The following PDE3A variants were observed in gnomAD, a reference collection of about 807,000 sequenced individuals.
PDE3A encodes cGMP-inhibited 3',5'-cyclic phosphodiesterase 3A.
PDE3A carries 43 observed loss-of-function variants against 98.3 expected under a neutral mutation model. The ratio of observed to expected loss-of-function variants is 0.44; its 90% CI spans 0.34 to 0.56. PDE3A has a LOEUF of 0.56. Ranked by LOEUF, PDE3A falls within the 20% of genes least tolerant of loss-of-function variation. The pLI, the probability that PDE3A is intolerant of heterozygous loss-of-function variation, is 0.01. For missense variants in PDE3A, 1,427 were observed against 1,440.7 expected, an observed-to-expected ratio of 0.99 and a Z score of 0.15; for synonymous variants, 663 against 567.9, an observed-to-expected ratio of 1.17 and a Z score of -2.38.
intron 15 of PDE3A, among the ~76,000 whole-genome samples, chr12:20,672,150 G>A (rs575319966): frequency 0.011 from 1,682 of 149,162 alleles, 35 homozygotes; most frequent in African/African-American, 0.04. Flanking sequence ...GGGATGTGAA[G>A]GACCTCTTCA....
At chr12:20,629,120 C>T (rs1030160982) in intron 5 of PDE3A, among the ~76,000 whole-genome samples, 3 of 152,170 alleles carry the variant, frequency 2.0e-5, no homozygotes, top group African/African-American at 7.2e-5. Flanking sequence ...TGCAGGCTGC[C>T]TTCTCTGTGT....
intron 1 of PDE3A, among the ~76,000 whole-genome samples, chr12:20,485,084 A>G (rs1176489656): frequency 6.6e-6 from 1 of 152,210 alleles, no homozygotes; most frequent in Non-Finnish European, 1.5e-5. Flanking sequence ...CTGTTGTCAC[A>G]AAGTACCAAA....
chr12:20,510,352 A>G (rs1946198101), intron 1 of PDE3A, among the ~76,000 whole-genome samples: 2 of 152,150 alleles, frequency 1.3e-5, no homozygotes. Context: ...ATAATCCACT[A>G]GAATTAGCAA....
At chr12:20,542,014 A>G (rs1329660796) in intron 1 of PDE3A, among the ~76,000 whole-genome samples, 2 of 152,090 alleles carry the variant, frequency 1.3e-5, no homozygotes, top group East Asian at 3.9e-4. Context: ...TAAGAAAGCC[A>G]AGGGTCGCGT....
chr12:20,444,762 A>T (rs1944927095), intron 1 of PDE3A, among the ~76,000 whole-genome samples: 1 of 152,220 alleles, frequency 6.6e-6, no homozygotes, highest in South Asian at 2.1e-4. Flanking sequence ...TGCCTGGTGC[A>T]CTAAAACTAA....
At position 20,653,421 on chromosome 12, in the gene PDE3A, G is replaced by A. The variant is rs376522246; in HGVS notation, c.2926-526G>A. ...TCACTCTGTCACCCTGGAATGCAGTGGCACGATCTCAGCTCACCGCAACCT... is the reference window on the plus strand; with the variant it reads ...TCACTCTGTCACCCTGGAATGCAGTAGCACGATCTCAGCTCACCGCAACCT... On this transcript the variant is annotated intron_variant, in intron 14 of 15. Coordinates refer to ENST00000359062, the MANE Select transcript of PDE3A (RefSeq NM_000921.5). Among the ~76,000 whole-genome samples the A allele has an allele frequency of 1.7e-4, 26 of 151,644 alleles. No individual in the cohort carries two copies. In the East Asian group the frequency reaches 4.1e-3, roughly 24 times the overall value.
intron 1 of PDE3A, among the ~76,000 whole-genome samples, chr12:20,507,405 T>C (rs376243341): frequency 2.2e-4 from 33 of 152,040 alleles, no homozygotes; most frequent in African/African-American, 7.5e-4. Flanking sequence ...GTACATGACA[T>C]TGTGTATGGC....
chr12:20,385,990 T>G (rs1262853478), intron 1 of PDE3A, among the ~76,000 whole-genome samples: 1 of 106,162 alleles, frequency 9.4e-6, no homozygotes, highest in Non-Finnish European at 1.7e-5. Context: ...ATATAATATA[T>G]ATAAAATATA....
intron 5 of PDE3A, among the ~76,000 whole-genome samples, chr12:20,629,029 C>T (rs1166007538): frequency 6.6e-6 from 1 of 152,174 alleles, no homozygotes; most frequent in Non-Finnish European, 1.5e-5. Context: ...CCCTACATTA[C>T]ATTGTTCAGC....
At chr12:20,463,976 T>C (rs1945297826) in intron 1 of PDE3A, among the ~76,000 whole-genome samples, 1 of 152,196 alleles carries the variant, frequency 6.6e-6, no homozygotes, top group Non-Finnish European at 1.5e-5. Flanking sequence ...AGATGGATTT[T>C]CCACTTAATT....
In PDE3A at chr12:20,685,203, G is replaced by A. The variant is rs191671537; in HGVS notation, c.*4932G>A. Among the ~76,000 whole-genome samples, 929 of 151,918 alleles carry A rather than the reference G, an allele frequency of 6.1e-3. 9 individuals are homozygous for A. Among genetic ancestry groups the A allele is most frequent in the African/African-American group, 0.02 (830 of 41,468 alleles). ...CAAGGCTGGTGGATCACCTGAGGTCGGGAGTTCGACACCAGCCTGACCAAC... is the reference window on the plus strand; with the variant it reads ...CAAGGCTGGTGGATCACCTGAGGTCAGGAGTTCGACACCAGCCTGACCAAC... On this transcript the variant is annotated 3_prime_UTR_variant, in exon 16 of 16. Transcript: ENST00000359062.
chr12:20,573,031 G>A (rs774299091), intron 2 of PDE3A, among the ~76,000 whole-genome samples: 1 of 152,030 alleles, frequency 6.6e-6, no homozygotes, highest in Non-Finnish European at 1.5e-5. Flanking sequence ...ATTTGAGAGT[G>A]AAGTGCTTAA....
intron 15 of PDE3A, among the ~76,000 whole-genome samples, chr12:20,665,782 G>T (rs1381985440): frequency 6.6e-6 from 1 of 151,958 alleles, no homozygotes; most frequent in East Asian, 1.9e-4. Context: ...GTGCTCTTAT[G>T]TTATAGTTTT....
chr12:20,508,673 G>A (rs1330415737), intron 1 of PDE3A, among the ~76,000 whole-genome samples: 1 of 152,002 alleles, frequency 6.6e-6, no homozygotes, highest in Non-Finnish European at 1.5e-5. Flanking sequence ...GAAGCGGTTA[G>A]AATATGGTGG....
At position 20,596,838 on chromosome 12, in the gene PDE3A, T is replaced by G. The variant is rs549219492; in HGVS notation, c.1012-16605T>G. On this transcript the variant is annotated intron_variant, in intron 2 of 15. Transcript: ENST00000359062. ...TTAACAAGTTCCCCTTAATAATCTTTATCTACTTAGGCTCTCATTAATTGG... is the reference window on the plus strand; with the variant it reads ...TTAACAAGTTCCCCTTAATAATCTTGATCTACTTAGGCTCTCATTAATTGG... Among the ~76,000 whole-genome samples, 9 of 152,302 alleles carry G rather than the reference T, an allele frequency of 5.9e-5. No homozygotes were observed. The South Asian group carries it at 1.7e-3, about 28-fold the overall frequency.
intron 1 of PDE3A, among the ~76,000 whole-genome samples, chr12:20,405,753 A>G (rs545515454): frequency 5.9e-5 from 9 of 152,294 alleles, no homozygotes; most frequent in Non-Finnish European, 1.3e-4. Flanking sequence ...GACCATACTT[A>G]AAGTCTGCTC....
In PDE3A at chr12:20,634,762, T is replaced by C. The variant is rs1592133515; in HGVS notation, c.1847-140T>C. 4 of 652,658 alleles carry C rather than the reference T, an allele frequency of 6.1e-6. No individual in the cohort carries two copies. In the East Asian group the frequency reaches 1.1e-4, roughly 17 times the overall value. The allele number at this position is 652,658 out of a possible 1,614,324, so 40.4% of individuals were successfully genotyped here. On this transcript the variant is annotated intron_variant, in intron 7 of 15. Coordinates refer to ENST00000359062, the MANE Select transcript of PDE3A (RefSeq NM_000921.5). ...ATGTGTGATGTTCTCCACCCTATGA[T>C]CCTATGTTCTTGGAGTGCTCAGGAA...
intron 15 of PDE3A, among the ~76,000 whole-genome samples, chr12:20,673,426 A>C (rs1270311946): frequency 7.0e-6 from 1 of 143,264 alleles, no homozygotes; most frequent in East Asian, 2.1e-4. Flanking sequence ...CATTATTCAC[A>C]ATAGCAAAGA....
intron 1 of PDE3A, among the ~76,000 whole-genome samples, chr12:20,474,674 C>T (rs1591969451): frequency 6.6e-6 from 1 of 152,174 alleles, no homozygotes; most frequent in African/African-American, 2.4e-5. Flanking sequence ...CTCCTGGCCT[C>T]TTCCTCCATC....
Sources: allele counts gnomAD v4.1 joint callset (sites outside exome capture counted in the v4.1 genomes callset), GRCh38; gene constraint gnomAD v4.1.1; transcripts MANE v1.5; gene names NCBI Gene and HGNC (gene_info 2026-07-23, HGNC 2026-07-21).